The following SLC1A2 variants were observed in gnomAD, a reference collection of about 807,000 sequenced individuals.
The protein encoded by SLC1A2 is excitatory amino acid transporter 2.
Under a neutral mutation model 48.8 loss-of-function variants are expected in SLC1A2, and 15 were observed. That is an observed-to-expected ratio of 0.31 (90% CI 0.21 to 0.47). The LOEUF is 0.47. Among genes scored for constraint, SLC1A2 ranks in the 20% least tolerant of loss-of-function variants. SLC1A2 has a pLI of 0.99. For missense variants in SLC1A2, 502 were observed against 730.5 expected (o/e 0.69, Z 3.61); for synonymous variants, 279 against 272.6 (o/e 1.02, Z -0.23).
At chr11:35,334,004 A>C (rs1386150159) in intron 1 of SLC1A2, among the ~76,000 whole-genome samples, 2 of 152,036 alleles carry the variant, frequency 1.3e-5, no homozygotes, top group South Asian at 4.1e-4. Flanking sequence ...ACTTCAATGC[A>C]CTTTGTTTCA....
chr11:35,313,841 A>T (rs1851784829), intron 3 of SLC1A2, among the ~76,000 whole-genome samples: 1 of 152,154 alleles, frequency 6.6e-6, no homozygotes, highest in Admixed American at 6.5e-5. Context: ...TACTGGGGTC[A>T]CTGGTCAACC....
intron 1 of SLC1A2, chr11:35,322,779 C>T (rs1216644899): frequency 4.8e-5 from 36 of 751,966 alleles, no homozygotes; most frequent in Non-Finnish European, 7.2e-5. Context: ...TGCATCAGCT[C>T]GAGCACCAAG....
chr11:35,343,578 C>T (rs1852919929), intron 1 of SLC1A2, among the ~76,000 whole-genome samples: 1 of 152,166 alleles, frequency 6.6e-6, no homozygotes, highest in Non-Finnish European at 1.5e-5. Context: ...CATACTTTCA[C>T]TATTTTCCTG....
chr11:35,340,905 G>C (rs147708170), intron 1 of SLC1A2, among the ~76,000 whole-genome samples: 3 of 152,212 alleles, frequency 2.0e-5, no homozygotes, highest in African/African-American at 7.2e-5. Context: ...TGGTGTGGAG[G>C]CTAAGGTCAA....
chr11:35,407,268 G>A (rs1855326610), intron 1 of SLC1A2, among the ~76,000 whole-genome samples: 2 of 152,140 alleles, frequency 1.3e-5, no homozygotes, highest in Admixed American at 6.5e-5. Context: ...CTTCTGAGTA[G>A]TGCTCCCCTA....
In SLC1A2 at chr11:35,256,658, C is replaced by T. The variant is rs937309810; in HGVS notation, c.*4236G>A. On this transcript the variant is annotated 3_prime_UTR_variant, in exon 11 of 11. Coordinates refer to ENST00000278379, the MANE Select transcript of SLC1A2 (RefSeq NM_004171.4). ...TCTTCTGCCTCCAGACTCTAGCATT[C>T]TTATTCAAGGAGCAAGTATGATAAT... 1.3e-5 allele frequency: 2 copies of T among 151,992 alleles called. No individual in the cohort carries two copies. Among genetic ancestry groups the T allele is most frequent in the South Asian group, 4.1e-4 (2 of 4,824 alleles). 9.4% of individuals were successfully genotyped at this position (151,992 alleles called of 1,614,324 possible). A position where few individuals can be genotyped will look rare whatever the true frequency, so the allele number is the denominator to read the frequency against.
chr11:35,304,171 G>A (rs766239355), intron 5 of SLC1A2, among the ~76,000 whole-genome samples: 15 of 152,122 alleles, frequency 9.9e-5, no homozygotes, highest in South Asian at 2.1e-4. Flanking sequence ...TTACAGAGTA[G>A]TGAGTTGTGT....
rs1206841643 is a variant in SLC1A2 at position 35,295,123 on chromosome 11, C to T, written c.858-2603G>A. Among the ~76,000 whole-genome samples the T allele has an allele frequency of 2.0e-5, 3 of 152,266 alleles. No homozygotes were observed. In the East Asian group the frequency reaches 5.8e-4, roughly 29 times the overall value. ...AGCTCAGTGGCACCATCATTGCTTGCTGTAACCTTGACCTCCTGGGCTCAA... is the reference window on the plus strand; with the variant it reads ...AGCTCAGTGGCACCATCATTGCTTGTTGTAACCTTGACCTCCTGGGCTCAA... On this transcript the variant is annotated intron_variant, in intron 6 of 10. Coordinates refer to ENST00000278379, the MANE Select transcript of SLC1A2 (RefSeq NM_004171.4).
rs112136753 is a variant in SLC1A2 at position 35,312,145 on chromosome 11, G to A, written c.561+53C>T. The A allele has an allele frequency of 3.7e-4, 586 of 1,570,130 alleles. No homozygotes were observed. Among genetic ancestry groups the A allele is most frequent in the East Asian group, 1.7e-3 (77 of 44,460 alleles). ...TCTGTTAAAATACTCTTAAGTTATC[G>A]CCTTGATAACTTAGAGGACTGGAGA... is the stretch of plus-strand genomic sequence containing the variant. On this transcript the variant is annotated intron_variant, in intron 4 of 10. Transcript: ENST00000278379.
At chr11:35,332,241 C>T (rs906961179) in intron 1 of SLC1A2, among the ~76,000 whole-genome samples, 39 of 152,202 alleles carry the variant, frequency 2.6e-4, no homozygotes, top group Non-Finnish European at 4.9e-4. Context: ...CACCACGTCT[C>T]CTCAACAGCC....
At chr11:35,384,782 T>C (rs183421973) in intron 1 of SLC1A2, among the ~76,000 whole-genome samples, 15 of 152,308 alleles carry the variant, frequency 9.8e-5, no homozygotes, top group Non-Finnish European at 2.1e-4. Context: ...CTTTGAACCA[T>C]AGAATTTGGG....
chr11:35,300,202 A>G (rs3847609), intron 6 of SLC1A2, among the ~76,000 whole-genome samples: 85,163 of 152,136 alleles, frequency 0.56, 25,820 homozygotes, highest in East Asian at 0.74. Flanking sequence ...CTGCTTATGC[A>G]TCAAGGGTTT....
intron 10 of SLC1A2, among the ~76,000 whole-genome samples, chr11:35,262,398 C>T (rs932653802): frequency 5.3e-5 from 8 of 152,106 alleles, no homozygotes; most frequent in African/African-American, 9.7e-5. Context: ...ATTTTTTTGG[C>T]GTTTCCTTTC....
chr11:35,306,688 C>T (rs1208584718), intron 4 of SLC1A2, among the ~76,000 whole-genome samples: 2 of 152,124 alleles, frequency 1.3e-5, no homozygotes, highest in Admixed American at 6.5e-5. Flanking sequence ...CTTCCCCTTT[C>T]CCCCCACTCA....
intron 3 of SLC1A2, 150 bp from the exon 4 acceptor site, chr11:35,312,598 G>A (rs776003488): frequency 1.0e-6 from 1 of 978,946 alleles, no homozygotes; most frequent in Non-Finnish European, 1.5e-6. Context: ...ATATCCATGA[G>A]AGGGTTGGTT....
intron 1 of SLC1A2, chr11:35,391,382 T>C (rs1854763878): frequency 6.6e-6 from 1 of 152,230 alleles, no homozygotes; most frequent in South Asian, 2.1e-4. Flanking sequence ...GTTTTACCAA[T>C]GAGGCTCTGG....
At chr11:35,309,662 T>G (rs775509614) in intron 4 of SLC1A2, among the ~76,000 whole-genome samples, 1 of 152,186 alleles carries the variant, frequency 6.6e-6, no homozygotes, top group African/African-American at 2.4e-5. Context: ...CCTCCTCCAC[T>G]CAAGACAGGT....
chr11:35,292,224 T>A, intron 7 of SLC1A2, 63 bp downstream of exon 7: 2 of 1,186,548 alleles, frequency 1.7e-6, no homozygotes, highest in South Asian at 2.7e-5. Flanking sequence ...TTTTGAGAAA[T>A]GAGAAATGGC....
chr11:35,358,453 C>A (rs1215963030), intron 1 of SLC1A2, among the ~76,000 whole-genome samples: 1 of 152,094 alleles, frequency 6.6e-6, no homozygotes, highest in African/African-American at 2.4e-5. Context: ...AAAATGTGAA[C>A]AGAATAAGTA....
Sources: allele counts gnomAD v4.1 joint callset (sites outside exome capture counted in the v4.1 genomes callset), GRCh38; gene constraint gnomAD v4.1.1; transcripts MANE v1.5; gene names NCBI Gene and HGNC (gene_info 2026-07-23, HGNC 2026-07-21).